ANKH: variants seen among roughly 807,000 people sequenced by gnomAD.
ANKH encodes the protein mineralization regulator ANKH.
A neutral mutation model predicts 49.0 loss-of-function variants in ANKH; 15 were observed. The observed-to-expected ratio is 0.31, with a 90% CI of 0.20 to 0.47. The LOEUF (loss-of-function observed/expected upper bound fraction) is 0.47, where lower values mean the gene tolerates loss of function less well. Ranked by LOEUF, ANKH falls within the 20% of genes least tolerant of loss-of-function variation. The probability of loss-of-function intolerance (pLI) is 1.00; values close to 1 mark genes in which losing one functional copy is unlikely to be tolerated. For synonymous variants in ANKH, 273 were observed against 260.0 expected (o/e 1.05, Z -0.48); for missense variants, 429 against 652.0 (o/e 0.66, Z 3.72).
intron 8 of ANKH, among the ~76,000 whole-genome samples, chr5:14,717,817 A>C (rs1737527369): frequency 6.6e-6 from 1 of 152,228 alleles, no homozygotes; most frequent in African/African-American, 2.4e-5. Flanking sequence ...ACACATCCCT[A>C]ATCCCAAAAT....
chr5:14,782,211 G>A (rs1294287655), intron 1 of ANKH, among the ~76,000 whole-genome samples: 1 of 152,148 alleles, frequency 6.6e-6, no homozygotes, highest in Non-Finnish European at 1.5e-5. Flanking sequence ...AAGAAATCCA[G>A]TGACCATGAT....
chr5:14,803,442 A>G (rs1052188176), intron 1 of ANKH, among the ~76,000 whole-genome samples: 3 of 151,614 alleles, frequency 2.0e-5, no homozygotes, highest in Non-Finnish European at 4.4e-5. Flanking sequence ...ACCACTCCCA[A>G]CTAATTTTTG....
intron 1 of ANKH, among the ~76,000 whole-genome samples, chr5:14,808,730 T>C (rs909511819): frequency 1.4e-5 from 2 of 146,308 alleles, no homozygotes; most frequent in African/African-American, 5.1e-5. Flanking sequence ...TTTTACACTG[T>C]TGGTGGGACT....
intron 1 of ANKH, among the ~76,000 whole-genome samples, chr5:14,851,097 C>T (rs1200884951): frequency 1.3e-5 from 2 of 152,090 alleles, no homozygotes; most frequent in African/African-American, 2.4e-5. Flanking sequence ...GGCTGTGCTA[C>T]GACCCACACA....
intron 1 of ANKH, among the ~76,000 whole-genome samples, chr5:14,866,387 T>G (rs1378384621): frequency 1.3e-5 from 2 of 152,226 alleles, no homozygotes; most frequent in Non-Finnish European, 2.9e-5. Context: ...ATTTCAACTT[T>G]CTTTTCTCCT....
At chr5:14,836,737 A>C (rs1002545194) in intron 1 of ANKH, among the ~76,000 whole-genome samples, 2 of 152,042 alleles carry the variant, frequency 1.3e-5, no homozygotes, top group Non-Finnish European at 2.9e-5. Flanking sequence ...CAAGCTACCA[A>C]TGACTTTCTT....
intron 1 of ANKH, among the ~76,000 whole-genome samples, chr5:14,847,607 C>A (rs1742002499): frequency 1.3e-5 from 2 of 152,140 alleles, no homozygotes; most frequent in Non-Finnish European, 2.9e-5. Context: ...CATGGGGCCA[C>A]GTCAGCTGAA....
chr5:14,815,946 A>G (rs1741023757), intron 1 of ANKH, among the ~76,000 whole-genome samples: 1 of 152,180 alleles, frequency 6.6e-6, no homozygotes, highest in South Asian at 2.1e-4. Context: ...TGAATGACCA[A>G]TTCTGAATTC....
At chr5:14,769,254 C>T in intron 1 of ANKH, 63 bp from the exon 2 acceptor site, 1 of 1,367,572 alleles carries the variant, frequency 7.3e-7, no homozygotes, top group South Asian at 1.2e-5. Flanking sequence ...GGGAATCATA[C>T]CTCTAAGATG....
chr5:14,772,826 C>T (rs1739489497), intron 1 of ANKH, among the ~76,000 whole-genome samples: 1 of 152,254 alleles, frequency 6.6e-6, no homozygotes, highest in African/African-American at 2.4e-5. Flanking sequence ...TGGCTCACAG[C>T]TGTCTTCTTG....
intron 1 of ANKH, among the ~76,000 whole-genome samples, chr5:14,844,067 A>G (rs535184489): frequency 1.3e-5 from 2 of 152,188 alleles, no homozygotes; most frequent in Non-Finnish European, 1.5e-5. Context: ...CGTAGAGCAA[A>G]TAAGACACTT....
intron 1 of ANKH, among the ~76,000 whole-genome samples, chr5:14,790,717 C>T (rs1196822926): frequency 6.6e-6 from 1 of 152,228 alleles, no homozygotes; most frequent in Non-Finnish European, 1.5e-5. Context: ...GAGCGATTCT[C>T]TTGTCTCAGC....
chr5:14,723,448 G>A (rs139071216), intron 8 of ANKH, among the ~76,000 whole-genome samples: 19 of 152,080 alleles, frequency 1.2e-4, no homozygotes, highest in African/African-American at 4.6e-4. Flanking sequence ...GACTGCTTGA[G>A]GCCAGGAGTT....
chr5:14,841,538 C>G (rs1741816612), intron 1 of ANKH, among the ~76,000 whole-genome samples: 1 of 152,120 alleles, frequency 6.6e-6, no homozygotes, highest in Non-Finnish European at 1.5e-5. Context: ...CTCAGGTGAT[C>G]CATGCACTTT....
chr5:14,797,854 G>A, intron 1 of ANKH: 1 of 1,611,724 alleles, frequency 6.2e-7, no homozygotes, highest in Non-Finnish European at 8.5e-7. Context: ...TTCCAAGAAA[G>A]CCCATAGCCT....
At chr5:14,793,463 C>A (rs1202470978) in intron 1 of ANKH, among the ~76,000 whole-genome samples, 1 of 151,994 alleles carries the variant, frequency 6.6e-6, no homozygotes, top group East Asian at 1.9e-4. Context: ...GTGAGGACTG[C>A]AGGGGATCAG....
intron 1 of ANKH, among the ~76,000 whole-genome samples, chr5:14,858,507 GGAGTTT>G (rs1735359961): frequency 6.6e-6 from 1 of 152,142 alleles, no homozygotes; most frequent in African/African-American, 2.4e-5. Flanking sequence ...CACAAGGTCA[GGAGTTT>G]GAGATAAGCC....
At chr5:14,867,910 G>A (rs879552634) in intron 1 of ANKH, among the ~76,000 whole-genome samples, 2 of 151,900 alleles carry the variant, frequency 1.3e-5, no homozygotes, top group South Asian at 2.1e-4. Flanking sequence ...AAATTCAAAC[G>A]CTCCCCCCAC....
intron 1 of ANKH, among the ~76,000 whole-genome samples, chr5:14,802,300 C>T (rs1255460956): frequency 6.6e-6 from 1 of 151,900 alleles, no homozygotes; most frequent in Non-Finnish European, 1.5e-5. Flanking sequence ...GCTTCTCTCT[C>T]CCCTATTCCT....
Sources: gnomAD v4.1 joint callset for allele counts (sites outside exome capture counted in the v4.1 genomes callset) on GRCh38, gnomAD v4.1.1 for gene constraint, MANE v1.5 for transcripts, NCBI Gene and HGNC (gene_info 2026-07-23, HGNC 2026-07-21) for gene names.